DOCK3: variants seen among roughly 807,000 people sequenced by gnomAD.
DOCK3 encodes the protein dedicator of cytokinesis 3.
DOCK3 carries 60 observed loss-of-function variants against 265.6 expected under a neutral mutation model. The observed-to-expected ratio is 0.23, with a 90% CI of 0.18 to 0.28. The LOEUF (loss-of-function observed/expected upper bound fraction) is 0.28. Among genes scored for constraint, DOCK3 ranks in the 10% least tolerant of loss-of-function variants. The pLI, the probability that DOCK3 is intolerant of heterozygous loss-of-function variation, is 1.00. For synonymous variants in DOCK3, 881 were observed against 938.0 expected, an observed-to-expected ratio of 0.94 and a Z score of 1.11; for missense variants, 1,981 against 2,594.3, an observed-to-expected ratio of 0.76 and a Z score of 5.14.
chr3:50,699,297 A>G (rs546470665), intron 1 of DOCK3, among the ~76,000 whole-genome samples: 2 of 152,308 alleles, frequency 1.3e-5, no homozygotes, highest in South Asian at 2.1e-4. Context: ...TACATGTATC[A>G]TGCTGCTTTG....
intron 5 of DOCK3, among the ~76,000 whole-genome samples, chr3:51,039,698 A>C (rs2080403516): frequency 1.3e-5 from 2 of 151,804 alleles, no homozygotes; most frequent in African/African-American, 4.8e-5. Flanking sequence ...AATTCCTTAT[A>C]ATTTTTTAGA....
At chr3:51,174,147 G>C (rs1036820362) in intron 12 of DOCK3, among the ~76,000 whole-genome samples, 3 of 151,826 alleles carry the variant, frequency 2.0e-5, no homozygotes, top group Non-Finnish European at 4.4e-5. Context: ...TCCTTTGATG[G>C]TTTCTATTTC....
At chr3:51,176,999 C>G (rs114830322) in intron 12 of DOCK3, among the ~76,000 whole-genome samples, 1,857 of 152,236 alleles carry the variant, frequency 0.012, 30 homozygotes, top group African/African-American at 0.042. Context: ...AATAATAATG[C>G]CAGTATACAT....
rs1277225583 is a variant in DOCK3, at chr3:50,675,900, C to G, written c.37+600C>G. 6.6e-6 allele frequency among the ~76,000 whole-genome samples: 1 copy of G among 151,822 alleles called. No homozygotes were observed. Among genetic ancestry groups the G allele is most frequent in the Non-Finnish European group, 1.5e-5 (1 of 67,960 alleles). ...GTTTATACGGTTTTTTTTTTAAACCCTGTTTTCAGATGAGACCTTATTCCT... is the reference window on the plus strand; with the variant it reads ...GTTTATACGGTTTTTTTTTTAAACCGTGTTTTCAGATGAGACCTTATTCCT... On this transcript the variant is annotated intron_variant, in intron 1 of 52. Transcript: ENST00000266037. The surrounding 1 kb of genome is among the most constrained non-coding windows in gnomAD (Gnocchi z 6.1).
chr3:50,926,684 C>T (rs1413599345), intron 4 of DOCK3, among the ~76,000 whole-genome samples: 1 of 152,116 alleles, frequency 6.6e-6, no homozygotes, highest in Non-Finnish European at 1.5e-5. Context: ...TGCTAAGGAA[C>T]AGTAGGAAAG....
chr3:51,065,260 G>A (rs1459971088), intron 6 of DOCK3, among the ~76,000 whole-genome samples: 1 of 151,770 alleles, frequency 6.6e-6, no homozygotes, highest in Non-Finnish European at 1.5e-5. Context: ...CTTAAAATTG[G>A]GTCCATTGAA....
At chr3:51,047,365 CTGCACGTTG>C (rs1247627291) in intron 5 of DOCK3, among the ~76,000 whole-genome samples, 1 of 151,618 alleles carries the variant, frequency 6.6e-6, no homozygotes, top group East Asian at 1.9e-4. Context: ...TGTAACAAAC[CTGCACGTTG>C]TGCACATGTA....
chr3:51,119,514 G>T (rs4927986), intron 9 of DOCK3, among the ~76,000 whole-genome samples: 127,976 of 152,052 alleles, frequency 0.84, 54,283 homozygotes, highest in East Asian at 0.95. Context: ...GTTGACCTGT[G>T]TTGCTAGGTT....
intron 5 of DOCK3, among the ~76,000 whole-genome samples, chr3:50,960,946 A>G (rs906136084): frequency 6.6e-6 from 1 of 152,150 alleles, no homozygotes; most frequent in East Asian, 1.9e-4. Context: ...CTTTCCCCGC[A>G]TTGAGTTGTC....
At chr3:50,809,610 C>G (rs986855946) in intron 2 of DOCK3, among the ~76,000 whole-genome samples, 2 of 152,108 alleles carry the variant, frequency 1.3e-5, no homozygotes, top group African/African-American at 4.8e-5. Flanking sequence ...TTAGTATCAG[C>G]TTTGTTCATA....
chr3:51,308,362 G>A (rs1317429074), intron 27 of DOCK3, among the ~76,000 whole-genome samples: 1 of 151,640 alleles, frequency 6.6e-6, no homozygotes. Context: ...AGAGGACCCT[G>A]CGGCCTTCCG....
intron 12 of DOCK3, among the ~76,000 whole-genome samples, chr3:51,203,678 T>C (rs1460850461): frequency 1.3e-5 from 2 of 152,118 alleles, no homozygotes; most frequent in African/African-American, 4.8e-5. Context: ...AAAGTTCATA[T>C]AGAACCAAAA....
intron 1 of DOCK3, among the ~76,000 whole-genome samples, chr3:50,694,967 G>A (rs1381139345): frequency 2.0e-5 from 3 of 152,182 alleles, no homozygotes; most frequent in Admixed American, 2.0e-4. Flanking sequence ...TTTGGGGCAG[G>A]CTAGTAACTA....
chr3:50,804,126 C>G (rs993996625), intron 2 of DOCK3, among the ~76,000 whole-genome samples: 1 of 150,928 alleles, frequency 6.6e-6, no homozygotes, highest in Non-Finnish European at 1.5e-5. Context: ...AGGCGCTCCC[C>G]ACATCTCAGA....
chr3:51,229,205 C>A (rs185178538), intron 18 of DOCK3, among the ~76,000 whole-genome samples: 10 of 152,112 alleles, frequency 6.6e-5, no homozygotes, highest in African/African-American at 2.4e-4. Flanking sequence ...AATCCCAGCA[C>A]TTTGGGAGGC....
intron 5 of DOCK3, among the ~76,000 whole-genome samples, chr3:50,949,643 T>C (rs1414985020): frequency 6.6e-6 from 1 of 152,158 alleles, no homozygotes; most frequent in Non-Finnish European, 1.5e-5. Context: ...ATTTAAAAAT[T>C]ATTGATTCGA....
chr3:51,378,746 C>T (rs782026267), intron 51 of DOCK3, among the ~76,000 whole-genome samples: 4 of 152,226 alleles, frequency 2.6e-5, no homozygotes, highest in Non-Finnish European at 4.4e-5. Flanking sequence ...TTCCTCTCTC[C>T]TCCTGAAAAG....
intron 2 of DOCK3, among the ~76,000 whole-genome samples, chr3:50,833,292 C>T (rs956144313): frequency 6.6e-6 from 1 of 152,110 alleles, no homozygotes; most frequent in Non-Finnish European, 1.5e-5. Context: ...TACCATAGTT[C>T]TTGAAACATA....
intron 5 of DOCK3, among the ~76,000 whole-genome samples, chr3:50,938,516 T>C (rs1399584594): frequency 1.3e-5 from 2 of 152,076 alleles, no homozygotes; most frequent in African/African-American, 4.8e-5. Flanking sequence ...AATATCTTAG[T>C]TCATAGAACA....
Sources: gnomAD v4.1 joint callset for allele counts (sites outside exome capture counted in the v4.1 genomes callset) on GRCh38, gnomAD v4.1.1 for gene constraint, Gnocchi (gnomAD v3.1) non-coding constraint, MANE v1.5 for transcripts, NCBI Gene and HGNC (gene_info 2026-07-23, HGNC 2026-07-21) for gene names.